SYNE2: variants seen among roughly 807,000 people sequenced by gnomAD.
SYNE2 encodes spectrin repeat containing nuclear envelope protein 2.
Under a neutral mutation model 856.3 loss-of-function variants are expected in SYNE2, and 431 were observed. The ratio of observed to expected loss-of-function variants is 0.50; its 90% CI spans 0.47 to 0.55. The LOEUF (loss-of-function observed/expected upper bound fraction) is 0.55, where lower values mean the gene tolerates loss of function less well. Ranked by LOEUF, SYNE2 falls within the 20% of genes least tolerant of loss-of-function variation. The pLI is 0.00. For missense variants in SYNE2, 8,129 were observed against 8,023.2 expected (o/e 1.01, Z -0.50); for synonymous variants, 2,923 against 2,872.3 (o/e 1.02, Z -0.56).
rs1372077454 is a variant in SYNE2, at chr14:64,087,881, C to T, written c.11670+25C>T. ...TGTAAGTTTGCACCATTCATTTAAT[C>T]ATTCAGGATTAAATTAGAGGCTGGG... On this transcript the variant is annotated intron_variant, in intron 58 of 115. Coordinates refer to ENST00000555002, the MANE Select transcript of SYNE2 (RefSeq NM_182914.3). The T allele has an allele frequency of 3.7e-6, 6 of 1,611,734 alleles. No homozygotes were observed. In the Admixed American group the frequency reaches 8.3e-5, roughly 22 times the overall value.
chr14:64,163,429 AAAG>A lies in SYNE2; in HGVS notation c.16331_16333del (p.Glu5444del), dbSNP rs751691446. On this transcript the variant is annotated inframe_deletion, in exon 89 of 116. Coordinates refer to ENST00000555002, the MANE Select transcript of SYNE2 (RefSeq NM_182914.3). ...GCTGCAGCATGATGTGCAGAAAACA[AAAG>A]AAGCCTTTCTCCAAAATTCCAGTGT... 52 of 1,613,984 alleles carry A rather than the reference AAAG, an allele frequency of 3.2e-5. No homozygotes were observed. The Admixed American group carries it at 7.7e-4, about 24-fold the overall frequency.
Position 64,165,321 on chromosome 14 carries a change from C to T in SYNE2, c.16516C>T (p.Leu5506=). 1 of 1,613,918 alleles carries T rather than the reference C, an allele frequency of 6.2e-7. No homozygotes were observed. The highest frequency in any genetic ancestry group is 8.5e-7 in the Non-Finnish European group (1 of 1,179,896). The change falls in exon 90 of 116, where the codon CTG becomes TTG. Residue 5506 remains leucine (L), a synonymous_variant. Coordinates refer to ENST00000555002, the MANE Select transcript of SYNE2 (RefSeq NM_182914.3). ...LSQFKDFGVR[L]ESLKGLIMHE... Reference sequence around the variant, plus strand: ...ACAGTTTAAGGATTTTGGAGTCCGGCTGGAATCTTTAAAAGGTCTTATTAT... The same window carrying T: ...ACAGTTTAAGGATTTTGGAGTCCGGTTGGAATCTTTAAAAGGTCTTATTAT...
chr14:63,974,856 G>A (rs1485027626), intron 11 of SYNE2, among the ~76,000 whole-genome samples: 3 of 15,570 alleles, frequency 1.9e-4, no homozygotes, highest in African/African-American at 1.7e-3. Flanking sequence ...GTGTACATGT[G>A]TGTGTGTGTG....
At chr14:63,959,287 C>CTTTTTTTTTTTTTTTTTTTTTTTTT (rs34198434) in intron 8 of SYNE2, among the ~76,000 whole-genome samples, 5 of 81,374 alleles carry the variant, frequency 6.1e-5, no homozygotes, top group South Asian at 4.7e-4. Flanking sequence ...TTTTCTTCTT[C>CTTTTTTTTTTTTTTTTTTTTTTTTT]TTTTTTTTTT....
intron 85 of SYNE2, among the ~76,000 whole-genome samples, chr14:64,155,280 G>A (rs1220557314): frequency 8.1e-6 from 1 of 124,078 alleles, no homozygotes; most frequent in Middle Eastern, 3.7e-3. Context: ...GAATGAAGTA[G>A]TACATACATA....
intron 1 of SYNE2, among the ~76,000 whole-genome samples, chr14:63,804,497 C>A (rs1595125964): frequency 6.6e-6 from 1 of 151,870 alleles, no homozygotes. Context: ...CTTTTCCTTT[C>A]TTTTCCTTTT....
Position 64,208,928 on chromosome 14 carries a change from C to T in SYNE2, c.18372C>T (p.Ser6124=), listed in dbSNP as rs752376031. The change falls in exon 101 of 116, where the codon TCC becomes TCT. Residue 6124 remains serine, a synonymous_variant. Transcript: ENST00000555002. ...DRRWRNICAM[S]MERRMKIEET... is the part of the protein sequence containing the mutation. ...GCTGGAGGAACATTTGTGCCATGTC[C>T]ATGGAGCGGCGCATGAAGTAAGAAC... 3 of 1,614,080 alleles carry T rather than the reference C, an allele frequency of 1.9e-6. No individual in the cohort carries two copies. Among genetic ancestry groups the T allele is most frequent in the Non-Finnish European group, 2.5e-6 (3 of 1,180,030 alleles).
At chr14:64,000,762 C>G (rs1483468958) in intron 28 of SYNE2, 43 bp downstream of exon 28, 1 of 1,563,032 alleles carries the variant, frequency 6.4e-7, no homozygotes, top group East Asian at 2.3e-5. Flanking sequence ...AATAAACTCA[C>G]TAAATCCTGT....
chr14:63,899,555 G>A (rs2153316269), intron 1 of SYNE2, among the ~76,000 whole-genome samples: 1 of 151,694 alleles, frequency 6.6e-6, no homozygotes, highest in Middle Eastern at 3.4e-3. Flanking sequence ...AGGCTGGAGT[G>A]CCGTGGCGCA....
chr14:64,157,593 G>A (rs1200983932), intron 85 of SYNE2, among the ~76,000 whole-genome samples: 1 of 152,112 alleles, frequency 6.6e-6, no homozygotes, highest in Non-Finnish European at 1.5e-5. Context: ...ATTCTCTTGT[G>A]TGTATAAGAG....
rs796849141 is a variant in SYNE2, at chr14:63,814,879, CAT to C, written c.-304-37613_-304-37612del. ...CCATATATATCTCTCCATATATATC[CAT>C]ATATATATCCATATATATATCCATA... On this transcript the variant is annotated intron_variant, in intron 1 of 23. Transcript: ENST00000674003. 3.3e-3 allele frequency among the ~76,000 whole-genome samples: 117 copies of C among 35,418 alleles called. 1 individual carries two copies. The South Asian group carries it at 0.058, about 18-fold the overall frequency. 23.2% of individuals were successfully genotyped at this position (35,418 alleles called of 152,430 possible). A position where few individuals can be genotyped will look rare whatever the true frequency, so the allele number is the denominator to read the frequency against.
intron 43 of SYNE2, 79 bp from the exon 44 acceptor site, chr14:64,029,816 T>G: frequency 2.1e-6 from 3 of 1,453,224 alleles, no homozygotes; most frequent in Non-Finnish European, 2.8e-6. Context: ...AACAAGTATT[T>G]ATTAGTCATT....
chr14:64,206,552 A>G (rs2098606213), intron 100 of SYNE2, among the ~76,000 whole-genome samples: 1 of 151,706 alleles, frequency 6.6e-6, no homozygotes, highest in South Asian at 2.1e-4. Flanking sequence ...AAAGTTTTGA[A>G]AATGTTTGGG....
chr14:63,971,703 T>C (rs971611428), intron 11 of SYNE2, among the ~76,000 whole-genome samples: 5 of 152,154 alleles, frequency 3.3e-5, no homozygotes, highest in South Asian at 2.1e-4. Flanking sequence ...TGAGTTTCTA[T>C]TGAGCTCAGT....
chr14:64,000,503 A>T (rs1221880203), intron 27 of SYNE2, 59 bp from the exon 28 acceptor site: 1 of 1,457,096 alleles, frequency 6.9e-7, no homozygotes, highest in Non-Finnish European at 9.6e-7. Flanking sequence ...TTTTAAGAAC[A>T]GAATAATTGT....
At chr14:63,932,886 G>A (rs1476534667) in intron 2 of SYNE2, among the ~76,000 whole-genome samples, 2 of 152,196 alleles carry the variant, frequency 1.3e-5, no homozygotes, top group Admixed American at 1.3e-4. Flanking sequence ...CGTCGTTGGC[G>A]AATTGTAGCT....
In SYNE2 at chr14:64,087,652, C is replaced by A; in HGVS notation, c.11485-19C>A. On this transcript the variant is annotated intron_variant, in intron 57 of 115. Transcript: ENST00000555002. ...ATCTTGATGTTTCTCTCTATTTTTC[C>A]CATTCTGTGTTTATCTAGATGGCTT... 2 of 1,612,722 alleles carry A rather than the reference C, an allele frequency of 1.2e-6. No homozygotes were observed. Among genetic ancestry groups the A allele is most frequent in the South Asian group, 2.2e-5 (2 of 90,962 alleles).
At position 64,028,892 on chromosome 14, in the gene SYNE2, C is replaced by T. The variant is rs185396400; in HGVS notation, c.6715-1003C>T. Among the ~76,000 whole-genome samples the T allele has an allele frequency of 1.5e-3, 231 of 152,254 alleles. 2 individuals carry two copies. Among genetic ancestry groups the T allele is most frequent in the African/African-American group, 4.8e-3 (198 of 41,544 alleles). On this transcript the variant is annotated intron_variant, in intron 43 of 115. Transcript: ENST00000555002. Reference sequence around the variant, plus strand: ...TGGCTCAACGCCTGTAATCCCAGCACGTTGGGAGGCTGAGGTGGGTGGATC... The same window carrying T: ...TGGCTCAACGCCTGTAATCCCAGCATGTTGGGAGGCTGAGGTGGGTGGATC...
chr14:64,025,070 A>T, intron 40 of SYNE2, 39 bp downstream of exon 40: 1 of 1,614,002 alleles, frequency 6.2e-7, no homozygotes, highest in South Asian at 1.1e-5. Flanking sequence ...ACCTGAGATT[A>T]TGGTTTCTTC....
Sources: allele counts gnomAD v4.1 joint callset (sites outside exome capture counted in the v4.1 genomes callset), GRCh38; gene constraint gnomAD v4.1.1; transcripts MANE v1.5; gene names NCBI Gene and HGNC (gene_info 2026-07-23, HGNC 2026-07-21).